METTL16: variants seen among roughly 807,000 people sequenced by gnomAD.
The protein encoded by METTL16 is RNA N(6)-adenosine-methyltransferase METTL16.
In METTL16, 19 loss-of-function variants were observed where a neutral mutation model predicts 57.9. That is an observed-to-expected ratio of 0.33 (90% CI 0.23 to 0.48). METTL16 has a LOEUF of 0.48. METTL16 is among the 20% of genes least tolerant of loss of function. The probability of loss-of-function intolerance (pLI) is 0.99; values close to 1 mark genes in which losing one functional copy is unlikely to be tolerated. For synonymous variants in METTL16, 246 were observed against 255.6 expected (o/e 0.96, Z 0.36); for missense variants, 434 against 691.5 (o/e 0.63, Z 4.18).
At chr17:2,498,216 A>T (rs1355401627) in intron 2 of METTL16, among the ~76,000 whole-genome samples, 1 of 149,840 alleles carries the variant, frequency 6.7e-6, no homozygotes, top group Non-Finnish European at 1.5e-5. Flanking sequence ...GATCGAGACC[A>T]TCCTGCCCAT....
chr17:2,443,336 C>T (rs939710045), intron 6 of METTL16, among the ~76,000 whole-genome samples: 1 of 152,112 alleles, frequency 6.6e-6, no homozygotes, highest in African/African-American at 2.4e-5. Flanking sequence ...ATTAACTTTC[C>T]AGACCCAAGT....
In METTL16 at chr17:2,417,632, C is replaced by T. The variant is rs1248208491; in HGVS notation, c.*2338G>A. On this transcript the variant is annotated 3_prime_UTR_variant, in exon 10 of 10. Coordinates refer to ENST00000263092, the MANE Select transcript of METTL16 (RefSeq NM_024086.4). ...AAATACTTGTAAGATGTTAAATGAACAAAGGACCAGAATACAAAACTGAAT... is the reference window on the plus strand; with the variant it reads ...AAATACTTGTAAGATGTTAAATGAATAAAGGACCAGAATACAAAACTGAAT... 6.6e-6 allele frequency: 1 copy of T among 152,114 alleles called. No individual in the cohort carries two copies. The highest frequency in any genetic ancestry group is 1.5e-5 in the Non-Finnish European group (1 of 68,016). 9.4% of individuals were successfully genotyped at this position (152,114 alleles called of 1,614,324 possible).
intron 2 of METTL16, among the ~76,000 whole-genome samples, chr17:2,480,594 GA>G (rs1442773467): frequency 6.6e-6 from 1 of 152,162 alleles, no homozygotes; most frequent in African/African-American, 2.4e-5. Flanking sequence ...TCCAGAATTG[GA>G]AAGGGAAGTA....
At chr17:2,488,018 T>C (rs2067356381) in intron 2 of METTL16, among the ~76,000 whole-genome samples, 2 of 150,138 alleles carry the variant, frequency 1.3e-5, no homozygotes, top group South Asian at 4.2e-4. Flanking sequence ...TAAAATAAAA[T>C]AAATAAAATA....
chr17:2,474,950 G>T (rs2067259783), intron 3 of METTL16, among the ~76,000 whole-genome samples: 1 of 151,750 alleles, frequency 6.6e-6, no homozygotes, highest in Non-Finnish European at 1.5e-5. Flanking sequence ...GACTATCTTG[G>T]CCAATTAGAT....
At chr17:2,453,994 G>C (rs1019746962) in intron 6 of METTL16, among the ~76,000 whole-genome samples, 3 of 152,000 alleles carry the variant, frequency 2.0e-5, no homozygotes, top group South Asian at 2.1e-4. Flanking sequence ...TCTATCCCCT[G>C]TATGTACTGT....
chr17:2,470,842 T>C (rs2067230283), intron 4 of METTL16, among the ~76,000 whole-genome samples: 1 of 152,132 alleles, frequency 6.6e-6, no homozygotes, highest in Non-Finnish European at 1.5e-5. Context: ...AACATATACA[T>C]ACACTTTAGC....
At chr17:2,473,763 G>A in intron 3 of METTL16, 99 bp from the exon 4 acceptor site, 1 of 1,301,970 alleles carries the variant, frequency 7.7e-7, no homozygotes, top group Non-Finnish European at 1.1e-6. Flanking sequence ...TTTGCAGACA[G>A]GGTCTCACTC....
rs928527987 is a variant in METTL16, at chr17:2,506,458, G to A, written c.1-4127C>T. ...ACGCCGCCACGCCTGACTGGTTTTC[G>A]TATTTTTTTGGTGGAGACGGGGTTT... On this transcript the variant is annotated intron_variant, in intron 1 of 9. Coordinates refer to ENST00000263092, the MANE Select transcript of METTL16 (RefSeq NM_024086.4). Among the ~76,000 whole-genome samples, 261 of 151,798 alleles carry A rather than the reference G, an allele frequency of 1.7e-3. 1 individual carries two copies. The highest frequency in any genetic ancestry group is 5.9e-3 in the African/African-American group (244 of 41,412).
At chr17:2,455,994 A>C (rs543065084) in intron 6 of METTL16, among the ~76,000 whole-genome samples, 9 of 151,852 alleles carry the variant, frequency 5.9e-5, no homozygotes, top group Non-Finnish European at 1.2e-4. Context: ...AAAATTAATT[A>C]ATTAATTAAT....
At chr17:2,477,430 T>A in intron 3 of METTL16, 1 of 417,198 alleles carries the variant, frequency 2.4e-6, no homozygotes, top group Non-Finnish European at 4.4e-6. Context: ...ATATGTGCAC[T>A]ATATTTACAG....
chr17:2,506,855 G>A (rs1248887881), intron 1 of METTL16, among the ~76,000 whole-genome samples: 10 of 151,348 alleles, frequency 6.6e-5, no homozygotes, highest in Non-Finnish European at 8.9e-5. Flanking sequence ...GTCTCTGCCC[G>A]GCCGCCCATC....
At chr17:2,507,728 G>C (rs963990484) in intron 1 of METTL16, among the ~76,000 whole-genome samples, 1 of 152,244 alleles carries the variant, frequency 6.6e-6, no homozygotes, top group Non-Finnish European at 1.5e-5. Flanking sequence ...GATGGTTGCC[G>C]TGGCTGTGTA....
intron 1 of METTL16, among the ~76,000 whole-genome samples, chr17:2,504,106 T>TA (rs1809614309): frequency 6.6e-6 from 1 of 152,100 alleles, no homozygotes; most frequent in South Asian, 2.1e-4. Context: ...CTAAGGGAAA[T>TA]AAACCACACA....
At chr17:2,447,232 C>G (rs1239059860) in intron 6 of METTL16, among the ~76,000 whole-genome samples, 4 of 149,108 alleles carry the variant, frequency 2.7e-5, no homozygotes, top group Admixed American at 2.0e-4. Flanking sequence ...TCTGACCCGC[C>G]GCCCTGTCTG....
intron 6 of METTL16, among the ~76,000 whole-genome samples, chr17:2,452,310 C>T (rs908586615): frequency 3.3e-5 from 5 of 152,018 alleles, no homozygotes; most frequent in African/African-American, 1.2e-4. Context: ...TACCACACTG[C>T]GAATCATTTC....
At chr17:2,426,600 G>A (rs1326594770) in intron 8 of METTL16, among the ~76,000 whole-genome samples, 3 of 151,044 alleles carry the variant, frequency 2.0e-5, no homozygotes, top group Admixed American at 6.6e-5. Flanking sequence ...ATGGTGGCAC[G>A]TGTCTATAAT....
At chr17:2,424,102 ATT>A (rs1179763267) in intron 8 of METTL16, 1 of 74,028 alleles carries the variant, frequency 1.4e-5, no homozygotes, top group African/African-American at 4.8e-5. Flanking sequence ...ATTTTATTTT[ATT>A]TTATTTTATT....
chr17:2,439,497 G>C (rs1316356801), intron 7 of METTL16, among the ~76,000 whole-genome samples: 3 of 152,102 alleles, frequency 2.0e-5, no homozygotes, highest in Admixed American at 6.6e-5. Flanking sequence ...GGAAGCACAG[G>C]GGACCGAGAC....
Sources: gnomAD v4.1 joint callset for allele counts (sites outside exome capture counted in the v4.1 genomes callset) on GRCh38, gnomAD v4.1.1 for gene constraint, MANE v1.5 for transcripts, NCBI Gene and HGNC (gene_info 2026-07-23, HGNC 2026-07-21) for gene names.